JADE2: variants seen among roughly 807,000 people sequenced by gnomAD.
JADE2 encodes the protein E3 ubiquitin-protein ligase Jade-2.
Under a neutral mutation model 85.7 loss-of-function variants are expected in JADE2, and 13 were observed. The observed-to-expected ratio is 0.15, with a 90% CI of 0.10 to 0.24. The LOEUF is 0.24. Among genes scored for constraint, JADE2 ranks in the 10% least tolerant of loss-of-function variants. The pLI, the probability that JADE2 is intolerant of heterozygous loss-of-function variation, is 1.00. For missense variants in JADE2, 846 were observed against 1,115.9 expected (o/e 0.76, Z 3.45); for synonymous variants, 440 against 456.1 (o/e 0.96, Z 0.45).
intron 7 of JADE2, among the ~76,000 whole-genome samples, chr5:134,563,968 G>T (rs1198219525): frequency 6.6e-6 from 1 of 152,180 alleles, no homozygotes; most frequent in African/African-American, 2.4e-5. Context: ...CATAGGAAGG[G>T]CTCAGCAAAG....
At chr5:134,526,245 G>C in intron 1 of JADE2, 1 of 985,492 alleles carries the variant, frequency 1.0e-6, no homozygotes. Context: ...GTACAGTGCG[G>C]GGAGGCTGAG....
At chr5:134,561,399 G>A (rs1024255351) in intron 6 of JADE2, among the ~76,000 whole-genome samples, 1 of 152,254 alleles carries the variant, frequency 6.6e-6, no homozygotes, top group Non-Finnish European at 1.5e-5. Flanking sequence ...ATAAATAAGA[G>A]TGGATTGTTG....
chr5:134,530,558 C>T (rs1761168407), intron 1 of JADE2, among the ~76,000 whole-genome samples: 1 of 152,120 alleles, frequency 6.6e-6, no homozygotes, highest in East Asian at 1.9e-4. Flanking sequence ...GCTGGAAGGG[C>T]GTTAATGGAG....
chr5:134,564,453 G>T, intron 7 of JADE2, 41 bp from the exon 8 acceptor site: 2 of 1,369,342 alleles, frequency 1.5e-6, no homozygotes, highest in South Asian at 2.8e-5. Flanking sequence ...GAGGCAGGCT[G>T]GGGATGAGAG....
chr5:134,527,148 C>G (rs1300718548), intron 1 of JADE2, among the ~76,000 whole-genome samples: 3 of 151,732 alleles, frequency 2.0e-5, no homozygotes, highest in Non-Finnish European at 4.4e-5. Flanking sequence ...GTCCCTTTGC[C>G]GGATCCCCGG....
chr5:134,544,908 A>T (rs946358124), intron 3 of JADE2, among the ~76,000 whole-genome samples: 2 of 152,204 alleles, frequency 1.3e-5, no homozygotes, highest in South Asian at 4.1e-4. Flanking sequence ...GTGAAGGGTA[A>T]AGACAGGGGT....
intron 1 of JADE2, among the ~76,000 whole-genome samples, chr5:134,527,592 C>T (rs921330999): frequency 6.6e-6 from 1 of 151,600 alleles, no homozygotes; most frequent in African/African-American, 2.4e-5. Context: ...CCCGGTCGAA[C>T]AGCCTCTTGC....
At chr5:134,533,014 C>G (rs1761346109) in intron 1 of JADE2, among the ~76,000 whole-genome samples, 1 of 152,194 alleles carries the variant, frequency 6.6e-6, no homozygotes, top group Admixed American at 6.5e-5. Flanking sequence ...AGAATAATCC[C>G]TAGGCACTCT....
chr5:134,573,479 A>T (rs1764166559), intron 9 of JADE2, among the ~76,000 whole-genome samples, 166 bp from the exon 10 acceptor site: 1 of 152,068 alleles, frequency 6.6e-6, no homozygotes, highest in Non-Finnish European at 1.5e-5. Flanking sequence ...AGGGCTGAGG[A>T]TGCGCTCAGG....
chr5:134,535,339 G>A (rs1403540719), intron 1 of JADE2, among the ~76,000 whole-genome samples: 1 of 152,154 alleles, frequency 6.6e-6, no homozygotes, highest in African/African-American at 2.4e-5. Flanking sequence ...CCCCGCTTCT[G>A]TACACTGCTG....
intron 4 of JADE2, among the ~76,000 whole-genome samples, chr5:134,553,028 CTG>C (rs1048235283): frequency 2.0e-4 from 24 of 121,054 alleles, no homozygotes; most frequent in Non-Finnish European, 3.2e-4. Flanking sequence ...AGGTCTCACT[CTG>C]TTACCCAGGC....
At chr5:134,541,838 C>T (rs1272300912) in intron 3 of JADE2, among the ~76,000 whole-genome samples, 1 of 152,224 alleles carries the variant, frequency 6.6e-6, no homozygotes, top group African/African-American at 2.4e-5. Context: ...GGGCGCAAGC[C>T]AAGGGGCACT....
chr5:134,544,972 G>A (rs1366563927), intron 3 of JADE2, among the ~76,000 whole-genome samples: 1 of 152,208 alleles, frequency 6.6e-6, no homozygotes, highest in Non-Finnish European at 1.5e-5. Flanking sequence ...GCCTTCTGAG[G>A]AGCAGAGGTG....
intron 3 of JADE2, among the ~76,000 whole-genome samples, chr5:134,541,541 A>T (rs981079855): frequency 6.6e-6 from 1 of 152,152 alleles, no homozygotes; most frequent in South Asian, 2.1e-4. Context: ...TATGAAGCCT[A>T]TGGGGTGGCT....
chr5:134,543,738 G>C (rs1189451817), intron 3 of JADE2, among the ~76,000 whole-genome samples: 1 of 152,106 alleles, frequency 6.6e-6, no homozygotes, highest in Non-Finnish European at 1.5e-5. Flanking sequence ...CCTTCCCTTT[G>C]CCTAAAACAG....
Position 134,559,943 on chromosome 5 carries a change from T to C in JADE2, c.425T>C (p.Ile142Thr). 9 of 1,614,054 alleles carry C rather than the reference T, an allele frequency of 5.6e-6. No individual in the cohort carries two copies. Among genetic ancestry groups the C allele is most frequent in the Non-Finnish European group, 7.6e-6 (9 of 1,179,970 alleles). The change falls in exon 5 of 12, where the codon ATT becomes ACT. Residue 142 changes from isoleucine to threonine, a missense_variant. This residue lies in a region of JADE2 where 78 missense variants were observed against 64.9 expected (regional missense o/e 1.20). Coordinates refer to ENST00000681547, the MANE Select transcript of JADE2 (RefSeq NM_001388185.1). ...PGGSRYDLDE[I>T]DAYWLELINS... is the part of the protein sequence containing the mutation. ...GGCAGCCGCTATGACTTGGACGAGATTGATGCCTACTGGCTGGAGCTCATC... is the reference window on the plus strand; with the variant it reads ...GGCAGCCGCTATGACTTGGACGAGACTGATGCCTACTGGCTGGAGCTCATC...
intron 1 of JADE2, among the ~76,000 whole-genome samples, chr5:134,535,581 C>A (rs1013255261): frequency 1.3e-5 from 2 of 152,076 alleles, no homozygotes; most frequent in African/African-American, 4.8e-5. Flanking sequence ...TGCTGATGCC[C>A]CCATGTCCTC....
chr5:134,525,735 T>G lies in JADE2; in HGVS notation c.-277T>G, dbSNP rs1173625771. On this transcript the variant is annotated 5_prime_UTR_variant, in exon 1 of 12. Coordinates refer to ENST00000681547, the MANE Select transcript of JADE2 (RefSeq NM_001388185.1). ...GCCATCGCAGTTGGAGGCTATTTTT[T>G]GGGGGGGGTGAGTAGCGTCCATGGA... The G allele has an allele frequency of 9.8e-6, 12 of 1,218,740 alleles. No individual in the cohort carries two copies. The highest frequency in any genetic ancestry group is 2.3e-4 in the Middle Eastern group (1 of 4,380). 75.5% of individuals were successfully genotyped at this position (1,218,740 alleles called of 1,614,324 possible).
chr5:134,555,673 C>T (rs1762868201), intron 4 of JADE2, among the ~76,000 whole-genome samples: 1 of 152,236 alleles, frequency 6.6e-6, no homozygotes, highest in Non-Finnish European at 1.5e-5. Flanking sequence ...CATCCGGACA[C>T]CCCCACTCAG....
Sources: gnomAD v4.1 joint callset for allele counts (sites outside exome capture counted in the v4.1 genomes callset) on GRCh38, gnomAD v4.1.1 for gene constraint, gnomAD v4.1.1 regional missense constraint, MANE v1.5 for transcripts, NCBI Gene and HGNC (gene_info 2026-07-23, HGNC 2026-07-21) for gene names.